Variants in ROS1 observed in about 807,000 individuals in gnomAD.
ROS1 encodes proto-oncogene tyrosine-protein kinase ROS.
A neutral mutation model predicts 273.5 loss-of-function variants in ROS1; 263 were observed. The ratio of observed to expected loss-of-function variants is 0.96; its 90% confidence interval spans 0.87 to 1.06. The LOEUF (loss-of-function observed/expected upper bound fraction) is 1.06. ROS1 is among the 50% of genes least tolerant of loss of function. ROS1 has a pLI of 0.00. For missense variants in ROS1, 2,833 were observed against 2,751.1 expected (o/e 1.03, Z -0.67); for synonymous variants, 1,008 against 954.1 (o/e 1.06, Z -1.04).
chr6:117,411,623 A>G (rs2128738261), intron 4 of ROS1, among the ~76,000 whole-genome samples: 1 of 152,188 alleles, frequency 6.6e-6, no homozygotes, highest in South Asian at 2.1e-4. Context: ...GGTTTCCCAG[A>G]CTGGCACACA....
At chr6:117,360,125 T>C in intron 23 of ROS1, 114 bp from the exon 24 acceptor site, 1 of 828,742 alleles carries the variant, frequency 1.2e-6, no homozygotes, top group East Asian at 2.7e-5. Context: ...TTGGTTCCTC[T>C]AATAGATCTT....
intron 34 of ROS1, among the ~76,000 whole-genome samples, chr6:117,325,695 G>A (rs1776582130): frequency 1.3e-5 from 2 of 152,104 alleles, no homozygotes; most frequent in Admixed American, 1.3e-4. Flanking sequence ...GAAAAATCAA[G>A]ATGGTAAAAT....
chr6:117,372,370 C>T (rs954684692), intron 18 of ROS1, among the ~76,000 whole-genome samples: 3 of 152,184 alleles, frequency 2.0e-5, no homozygotes, highest in Non-Finnish European at 4.4e-5. Flanking sequence ...CCATAAAGCT[C>T]CTAATACTGA....
chr6:117,381,564 A>T (rs1326416460), intron 17 of ROS1, among the ~76,000 whole-genome samples: 1 of 152,070 alleles, frequency 6.6e-6, no homozygotes. Flanking sequence ...TGCAAAAGAC[A>T]TTATTTCCTC....
At chr6:117,406,669 G>GTTCC (rs1774429770) in intron 5 of ROS1, among the ~76,000 whole-genome samples, 3 of 151,902 alleles carry the variant, frequency 2.0e-5, no homozygotes, top group Admixed American at 1.3e-4. Context: ...TTTTTTTATG[G>GTTCC]TTCCCTGAAC....
chr6:117,347,967 G>C (rs1030902435), intron 27 of ROS1, among the ~76,000 whole-genome samples: 1 of 151,968 alleles, frequency 6.6e-6, no homozygotes, highest in Non-Finnish European at 1.5e-5. Context: ...GATTTGATTT[G>C]CTAATATTTT....
At position 117,329,328 on chromosome 6, in the gene ROS1, C is replaced by A. The variant is rs775376821; in HGVS notation, c.5348+1G>T. ...TACAAGTACTTTGCAAACACACATACCTTATCTCAAGGATATAGTATGTAA... is the reference window on the plus strand; with the variant it reads ...TACAAGTACTTTGCAAACACACATAACTTATCTCAAGGATATAGTATGTAA... On this transcript the variant is annotated splice_donor_variant, in intron 33 of 43. Transcript: ENST00000368507. LOFTEE classifies it high-confidence loss of function. 8.8e-6 allele frequency: 12 copies of A among 1,367,922 alleles called. No individual in the cohort carries two copies. In the African/African-American group the frequency reaches 1.4e-4, roughly 16 times the overall value. The allele number at this position is 1,367,922 out of a possible 1,614,324, so 84.7% of individuals were successfully genotyped here.
Position 117,352,981 on chromosome 6 carries a change from C to G in ROS1, c.4303+9G>C, listed in dbSNP as rs1178247296. The G allele has an allele frequency of 1.4e-5, 23 of 1,609,748 alleles. No homozygotes were observed. The highest frequency in any genetic ancestry group is 2.0e-5 in the Non-Finnish European group (23 of 1,178,526). ...GAGAACAAGCTGATTACGAATGTGA[C>G]TTTATTACCTGGAAAAGGCTGCATA... On this transcript the variant is annotated intron_variant, in intron 27 of 43. Coordinates refer to ENST00000368507, the MANE Select transcript of ROS1 (RefSeq NM_001378902.1).
chr6:117,336,813 T>C (rs566327071), intron 32 of ROS1, among the ~76,000 whole-genome samples: 53 of 152,274 alleles, frequency 3.5e-4, no homozygotes, highest in Admixed American at 1.6e-3. Context: ...TTAATGAACT[T>C]CTTATATTTT....
chr6:117,356,419 T>C (rs951350867), intron 26 of ROS1, among the ~76,000 whole-genome samples: 1 of 152,234 alleles, frequency 6.6e-6, no homozygotes, highest in African/African-American at 2.4e-5. Context: ...ATTACAATTT[T>C]TTAAAACACA....
In ROS1 at chr6:117,359,880, T is replaced by C. The variant is rs764578818; in HGVS notation, c.3562A>G (p.Asn1188Asp). Residue 1188 changes from asparagine to aspartate, a missense_variant, in exon 24 of 44, where the codon AAT becomes GAT. By Grantham distance (23) the Asn-to-Asp change is conservative. Coordinates refer to ENST00000368507, the MANE Select transcript of ROS1 (RefSeq NM_001378902.1). ...VISAVCYTAD[N>D]EMGYYAEGDS... Reference sequence around the variant, plus strand: ...CCTTCAGCATAATATCCCATCTCATTATCAGCTGTGTAGCAAACGGCACTG... The same window carrying C: ...CCTTCAGCATAATATCCCATCTCATCATCAGCTGTGTAGCAAACGGCACTG... The C allele has an allele frequency of 6.2e-7, 1 of 1,613,926 alleles. No individual in the cohort carries two copies. The highest frequency in any genetic ancestry group is 1.7e-5 in the Admixed American group (1 of 59,992).
intron 27 of ROS1, among the ~76,000 whole-genome samples, chr6:117,348,087 A>G (rs1778521571): frequency 6.6e-6 from 1 of 152,018 alleles, no homozygotes; most frequent in Non-Finnish European, 1.5e-5. Flanking sequence ...TCTGGCCTAG[A>G]ATAAACTCAT....
rs775665843 is a variant in ROS1, at chr6:117,360,342, C to A, written c.3430G>T (p.Glu1144Ter). The A allele has an allele frequency of 3.1e-6, 5 of 1,610,090 alleles. No homozygotes were observed. The Admixed American group carries it at 6.7e-5, about 22-fold the overall frequency. ...TGCACAGATTTTAGAAAACAAATACCTGATGTTGTAGACTTTACAACGTCA... is the reference window on the plus strand; with the variant it reads ...TGCACAGATTTTAGAAAACAAATACATGATGTTGTAGACTTTACAACGTCA... ...YADVVKSTTS[E>*]INPFPHLITL... The change falls in exon 23 of 44, where the codon GAA becomes TAA. Residue 1144 changes from glutamate (E) to a stop codon, truncating the protein, a stop_gained and splice_region_variant. Transcript: ENST00000368507. LOFTEE classifies it high-confidence loss of function.
chr6:117,407,556 C>G (rs1006535772), intron 5 of ROS1, among the ~76,000 whole-genome samples: 5 of 152,132 alleles, frequency 3.3e-5, no homozygotes, highest in Admixed American at 6.5e-5. Flanking sequence ...ACAGTACGCA[C>G]TCTATAGGAT....
In ROS1 at chr6:117,418,436, T is replaced by C. The variant is rs771119317; in HGVS notation, c.168+26A>G. 9 of 1,528,318 alleles carry C rather than the reference T, an allele frequency of 5.9e-6. No homozygotes were observed. The South Asian group carries it at 9.4e-5, about 16-fold the overall frequency. 94.7% of individuals were successfully genotyped at this position (1,528,318 alleles called of 1,614,324 possible). A position where few individuals can be genotyped will look rare whatever the true frequency, so the allele number is the denominator to read the frequency against. On this transcript the variant is annotated intron_variant, in intron 2 of 43. Coordinates refer to ENST00000368507, the MANE Select transcript of ROS1 (RefSeq NM_001378902.1). ...ATTATCAACACAAACATTGTAATAT[T>C]CTTGACAACTGAAGAAATTACTTAC...
At chr6:117,300,240 C>T (rs1291625791) in intron 43 of ROS1, among the ~76,000 whole-genome samples, 4 of 151,366 alleles carry the variant, frequency 2.6e-5, no homozygotes, top group Non-Finnish European at 4.4e-5. Context: ...CGTGAGCCAC[C>T]GCACCCGGCA....
In ROS1 at chr6:117,394,651, C is replaced by A; in HGVS notation, c.971G>T (p.Cys324Phe). The A allele has an allele frequency of 1.2e-6, 2 of 1,611,384 alleles. No homozygotes were observed. The highest frequency in any genetic ancestry group is 1.7e-6 in the Non-Finnish European group (2 of 1,178,168). Residue 324 changes from cysteine to phenylalanine, a missense_variant, in exon 10 of 44, where the codon TGC (cysteine) becomes TTC (phenylalanine). Physicochemically the swap from Cys to Phe is radical, Grantham distance 205 (BLOSUM62 -2). Transcript: ENST00000368507. Reference sequence around the variant, plus strand: ...ATGGTATATAGCATCCAACCGAAGGCAATGTGCTTCATCTACTAAATGTTT... The same window carrying A: ...ATGGTATATAGCATCCAACCGAAGGAAATGTGCTTCATCTACTAAATGTTT... ...SLKHLVDEAH[C>F]LRLDAIYHNI...
intron 29 of ROS1, among the ~76,000 whole-genome samples, chr6:117,342,108 A>G (rs146506356): frequency 6.6e-6 from 1 of 152,292 alleles, no homozygotes; most frequent in African/African-American, 2.4e-5. Flanking sequence ...GAGTATCTGG[A>G]AAAAGTGACA....
Position 117,389,607 on chromosome 6 carries a change from CTT to C in ROS1, c.1527_1528del (p.Ser510PhefsTer4). ...AAAGTCATTGTTTTCACAAGCAAAA[CTT>C]TTCACATCAGCAAAGGGGATGCGAG... On this transcript the variant is annotated frameshift_variant, in exon 13 of 44. Coordinates refer to ENST00000368507, the MANE Select transcript of ROS1 (RefSeq NM_001378902.1). LOFTEE classifies it high-confidence loss of function. 6.2e-7 allele frequency: 1 copy of C among 1,614,190 alleles called. No individual in the cohort carries two copies. The highest frequency in any genetic ancestry group is 1.7e-5 in the Admixed American group (1 of 60,024).
Sources: allele counts gnomAD v4.1 joint callset (sites outside exome capture counted in the v4.1 genomes callset), GRCh38; gene constraint gnomAD v4.1.1; transcripts MANE v1.5; gene names NCBI Gene and HGNC (gene_info 2026-07-23, HGNC 2026-07-21).